AHNAK: variants seen among roughly 807,000 people sequenced by gnomAD.
The protein encoded by AHNAK is neuroblast differentiation-associated protein AHNAK.
A neutral mutation model predicts 37.8 loss-of-function variants in AHNAK; 23 were observed. The ratio of observed to expected loss-of-function variants is 0.61; its 90% CI spans 0.44 to 0.86. The LOEUF is 0.86. AHNAK is among the 40% of genes least tolerant of loss of function. The pLI is 0.00. For synonymous variants in AHNAK, 2,481 were observed against 2,636.3 expected, an observed-to-expected ratio of 0.94 and a Z score of 1.80; for missense variants, 7,411 against 7,319.4, an observed-to-expected ratio of 1.01 and a Z score of -0.46.
Position 62,435,562 on chromosome 11 carries a change from G to A in AHNAK, c.443-1671C>T, listed in dbSNP as rs555456715. The stretch of plus-strand genomic sequence containing the variant: ...GAGTAGCTGGGGACTACAGGCGCCC[G>A]TCACCTCGCCCGGCTAATTTTTTTG... On this transcript the variant is annotated intron_variant, in intron 5 of 5. Transcript: ENST00000257247. 3.6e-3 allele frequency among the ~76,000 whole-genome samples: 546 copies of A among 152,150 alleles called. 3 individuals carry two copies. Among genetic ancestry groups the A allele is most frequent in the Middle Eastern group, 0.02 (6 of 294 alleles).
At chr11:62,491,477 C>T (rs1213875700) in intron 5 of AHNAK, among the ~76,000 whole-genome samples, 1 of 152,136 alleles carries the variant, frequency 6.6e-6, no homozygotes, top group East Asian at 1.9e-4. Flanking sequence ...TGAAGAAACG[C>T]TTGAGACTCC....
chr11:62,538,437 C>T (rs895965301), intron 1 of AHNAK, among the ~76,000 whole-genome samples: 2 of 152,222 alleles, frequency 1.3e-5, no homozygotes, highest in African/African-American at 2.4e-5. Context: ...GGACTACAGC[C>T]ACAGCACAAA....
chr11:62,521,582 G>A lies in AHNAK; in HGVS notation c.12835C>T (p.Leu4279Phe), dbSNP rs1940244901. Residue 4279 changes from leucine (L) to phenylalanine (F), a missense_variant, in exon 5 of 5, where the codon CTT (leucine) becomes TTT (phenylalanine). By Grantham distance (22) the Leu-to-Phe change is conservative. Transcript: ENST00000378024. ...PKVKGDVDVSLPKVEGDLKGP... is the reference protein window; with the variant it reads ...PKVKGDVDVSFPKVEGDLKGP... ...TTGAGGTCACCTTCCACTTTAGGAAGGGAAACATCCACATCACCCTTCACC... is the reference window on the plus strand; with the variant it reads ...TTGAGGTCACCTTCCACTTTAGGAAAGGAAACATCCACATCACCCTTCACC... 2 of 1,612,198 alleles carry A rather than the reference G, an allele frequency of 1.2e-6. No individual in the cohort carries two copies. The highest frequency in any genetic ancestry group is 1.7e-6 in the Non-Finnish European group (2 of 1,179,568).
chr11:62,519,912 G>C lies in AHNAK; in HGVS notation c.14505C>G (p.Pro4835=), dbSNP rs146504831. ...IEGPDAKLKG[P]KFKMPEINIK... is the part of the protein sequence containing the mutation. ...TATTTATTTCAGGCATCTTGAACTT[G>C]GGGCCCTTCAGTTTTGCGTCTGGAC... The change falls in exon 5 of 5, where the codon CCC becomes CCG. Residue 4835 remains proline, a synonymous_variant. Coordinates refer to ENST00000378024, the MANE Select transcript of AHNAK (RefSeq NM_001620.3). 1.2e-6 allele frequency: 2 copies of C among 1,613,984 alleles called. No individual in the cohort carries two copies. The highest frequency in any genetic ancestry group is 3.3e-5 in the Admixed American group (2 of 60,000).
chr11:62,498,911 G>C (rs1939662765), intron 4 of AHNAK, among the ~76,000 whole-genome samples: 1 of 152,178 alleles, frequency 6.6e-6, no homozygotes, highest in East Asian at 1.9e-4. Context: ...TTCAACAAGG[G>C]GAGGTTCATT....
In AHNAK at chr11:62,521,890, T is replaced by C. The variant is rs748100019; in HGVS notation, c.12527A>G (p.Asp4176Gly). The C allele has an allele frequency of 1.2e-6, 2 of 1,612,910 alleles. No individual in the cohort carries two copies. The highest frequency in any genetic ancestry group is 2.2e-5 in the South Asian group (2 of 91,014). The change falls in exon 5 of 5, where the codon GAT becomes GGT. Residue 4176 changes from aspartate (D) to glycine (G), a missense_variant. Physicochemically the swap from Asp to Gly is moderately conservative, Grantham distance 94. Transcript: ENST00000378024. The stretch of plus-strand genomic sequence containing the variant: ...CCAGTCTGGGCCTTGAACGTCCACA[T>C]CTGGGACATCAATGTCCACTTTGGG... ...KGPKVDIDVP[D>G]VDVQGPDWHL...
At position 62,517,802 on chromosome 11, in the gene AHNAK, G is replaced by A. The variant is rs1486844689; in HGVS notation, c.16615C>T (p.Pro5539Ser). 4 of 1,614,030 alleles carry A rather than the reference G, an allele frequency of 2.5e-6. No homozygotes were observed. The African/African-American group carries it at 4.0e-5, about 16-fold the overall frequency. The stretch of plus-strand genomic sequence containing the variant: ...GCAGGCCCCTTCACACTGATATCAG[G>A]AGCAGCCCCATGGAAACCTACTTCT... ...GSEVGFHGAA[P>S]DISVKGPAFN... Residue 5539 changes from proline (P) to serine (S), a missense_variant, in exon 5 of 5, where the codon CCT (proline) becomes TCT (serine). Transcript: ENST00000378024.
intron 5 of AHNAK, among the ~76,000 whole-genome samples, chr11:62,476,512 C>T (rs1448695719): frequency 1.3e-5 from 2 of 152,130 alleles, no homozygotes; most frequent in East Asian, 1.9e-4. Flanking sequence ...TAAACCTACA[C>T]GAGAAGTTCC....
chr11:62,434,697 G>A (rs1388827552), intron 5 of AHNAK, among the ~76,000 whole-genome samples: 1 of 152,162 alleles, frequency 6.6e-6, no homozygotes, highest in East Asian at 1.9e-4. Context: ...GGAGGCCGAG[G>A]CAGGCGGACC....
rs751541950 is a variant in AHNAK at position 62,523,025 on chromosome 11, G to A, written c.11392C>T (p.Pro3798Ser). The A allele has an allele frequency of 6.2e-7, 1 of 1,613,924 alleles. No individual in the cohort carries two copies. The highest frequency in any genetic ancestry group is 1.1e-5 in the South Asian group (1 of 91,070). Residue 3798 changes from proline to serine, a missense_variant, in exon 5 of 5, where the codon CCA (proline) becomes TCA (serine). By Grantham distance (74) the Pro-to-Ser change is moderately conservative. Transcript: ENST00000378024. ...TTGGGCATCTTCAGGTGCCAGTCTG[G>A]GCCTTGAACATCAACATCTGGAGCA... is the stretch of plus-strand genomic sequence containing the variant. ...INAPDVDVQG[P>S]DWHLKMPKVK...
chr11:62,514,879 C>T (rs2134185773), downstream of AHNAK, among the ~76,000 whole-genome samples: 1 of 152,306 alleles, frequency 6.6e-6, no homozygotes, highest in East Asian at 1.9e-4. Flanking sequence ...CTAGGGAAGG[C>T]ATGAGATCCC....
Position 62,519,986 on chromosome 11 carries a change from C to A in AHNAK, c.14431G>T (p.Val4811Phe), listed in dbSNP as rs775652194. The change falls in exon 5 of 5, where the codon GTC becomes TTC. Residue 4811 changes from valine (V) to phenylalanine (F), a missense_variant. Coordinates refer to ENST00000378024, the MANE Select transcript of AHNAK (RefSeq NM_001620.3). ...TCAACGTCCACCTTGGGTCCCGAGA[C>A]ATCGATGTCGGCCTTGGGCAGGCTC... The part of the protein sequence containing the change: ...DVSLPKADID[V>F]SGPKVDVDIP... 5 of 1,613,340 alleles carry A rather than the reference C, an allele frequency of 3.1e-6. No homozygotes were observed. In the South Asian group the frequency reaches 4.4e-5, roughly 14 times the overall value.
At chr11:62,453,399 T>C (rs1938583041) in intron 5 of AHNAK, among the ~76,000 whole-genome samples, 1 of 152,148 alleles carries the variant, frequency 6.6e-6, no homozygotes, top group Admixed American at 6.6e-5. Context: ...AAATGAGTGG[T>C]AACAATAATA....
intron 5 of AHNAK, among the ~76,000 whole-genome samples, chr11:62,460,987 ATTTTT>A (rs58443970): frequency 3.8e-4 from 39 of 103,630 alleles, no homozygotes; most frequent in African/African-American, 1.3e-3. Context: ...GGCCTGGCTA[ATTTTT>A]TTTTTTTTTT....
intron 4 of AHNAK, among the ~76,000 whole-genome samples, chr11:62,534,621 C>T (rs1438065459): frequency 6.6e-6 from 1 of 152,234 alleles, no homozygotes; most frequent in Non-Finnish European, 1.5e-5. Flanking sequence ...CAGCGTCTGA[C>T]CCACAGAATG....
Position 62,533,714 on chromosome 11 carries a change from C to G in AHNAK, c.703G>C (p.Glu235Gln), listed in dbSNP as rs1940849609. Residue 235 changes from glutamate to glutamine, a missense_variant, in exon 5 of 5, where the codon GAG becomes CAG. Transcript: ENST00000378024. ...RAGAISASGP[E>Q]LQGAGHSKLQ... ...TTCGAGTGGCCAGCACCTTGGAGCT[C>G]TGGTCCTGAAGCAGAAATGGCCCCT... is the stretch of plus-strand genomic sequence containing the variant. 1 of 1,614,048 alleles carries G rather than the reference C, an allele frequency of 6.2e-7. No individual in the cohort carries two copies. The highest frequency in any genetic ancestry group is 1.1e-5 in the South Asian group (1 of 91,084).
chr11:62,520,079 T>A lies in AHNAK; in HGVS notation c.14338A>T (p.Met4780Leu). The A allele has an allele frequency of 6.2e-7, 1 of 1,612,130 alleles. No homozygotes were observed. The highest frequency in any genetic ancestry group is 8.5e-7 in the Non-Finnish European group (1 of 1,179,576). Residue 4780 changes from methionine (M) to leucine (L), a missense_variant, in exon 5 of 5, where the codon ATG (methionine) becomes TTG (leucine). Transcript: ENST00000378024. ...DVHGPDWHLK[M>L]PKVKMPKFSM... ...AATTTGGGCATTTTCACCTTGGGCA[T>A]CTTCAGGTGCCAGTCTGGGCCATGA... is the stretch of plus-strand genomic sequence containing the variant.
Position 62,518,395 on chromosome 11 carries a change from C to G in AHNAK, c.16022G>C (p.Gly5341Ala), listed in dbSNP as rs1224520218. The change falls in exon 5 of 5, where the codon GGA becomes GCA. Residue 5341 changes from glycine (G) to alanine (A), a missense_variant. Gly to Ala is a moderately conservative substitution (Grantham distance 60). Transcript: ENST00000378024. ...LSGVGGKMQV[G>A]GDGVKVPGID... ...CCCTGGCACTTTCACACCGTCTCCT[C>G]CCACCTGCATTTTGCCACCGACACC... The G allele has an allele frequency of 1.9e-6, 3 of 1,614,124 alleles. No homozygotes were observed. Among genetic ancestry groups the G allele is most frequent in the Middle Eastern group, 1.6e-4 (1 of 6,062 alleles).
chr11:62,462,493 C>T (rs1395524247), intron 5 of AHNAK, among the ~76,000 whole-genome samples: 1 of 152,188 alleles, frequency 6.6e-6, no homozygotes, highest in Non-Finnish European at 1.5e-5. Flanking sequence ...GTCCTTACAC[C>T]CTCAAAAGCA....
Sources: allele counts gnomAD v4.1 joint callset (sites outside exome capture counted in the v4.1 genomes callset), GRCh38; gene constraint gnomAD v4.1.1; transcripts MANE v1.5; gene names NCBI Gene and HGNC (gene_info 2026-07-23, HGNC 2026-07-21).